GRM3: variants seen among roughly 807,000 people sequenced by gnomAD.
The protein encoded by GRM3 is metabotropic glutamate receptor 3.
A neutral mutation model predicts 70.5 loss-of-function variants in GRM3; 26 were observed. The observed-to-expected ratio is 0.37, with a 90% CI of 0.27 to 0.51. The LOEUF is 0.51. Among genes scored for constraint, GRM3 ranks in the 20% least tolerant of loss-of-function variants. The probability of loss-of-function intolerance (pLI) is 0.93; values close to 1 mark genes in which losing one functional copy is unlikely to be tolerated. For synonymous variants in GRM3, 443 were observed against 434.9 expected (o/e 1.02, Z -0.23); for missense variants, 859 against 1,123.8 (o/e 0.76, Z 3.37).
chr7:86,681,112 T>A (rs75006142), intron 1 of GRM3, among the ~76,000 whole-genome samples: 5,079 of 152,202 alleles, frequency 0.033, 278 homozygotes, highest in African/African-American at 0.12. Flanking sequence ...TTGCAAACAC[T>A]TGATGAGAAT....
At chr7:86,748,642 A>C (rs1796160175) in intron 1 of GRM3, among the ~76,000 whole-genome samples, 1 of 152,098 alleles carries the variant, frequency 6.6e-6, no homozygotes, top group Non-Finnish European at 1.5e-5. Flanking sequence ...TAATCTATAA[A>C]TACTCATATT....
chr7:86,731,605 T>C (rs916485345), intron 1 of GRM3, among the ~76,000 whole-genome samples: 2 of 152,208 alleles, frequency 1.3e-5, no homozygotes, highest in African/African-American at 4.8e-5. Flanking sequence ...CATTCTTAAT[T>C]TTCTTATTTA....
intron 1 of GRM3, among the ~76,000 whole-genome samples, chr7:86,709,626 G>A (rs548666607): frequency 6.6e-6 from 1 of 152,120 alleles, no homozygotes; most frequent in Non-Finnish European, 1.5e-5. Flanking sequence ...GGACACCTGA[G>A]ATTCTCTGCT....
At chr7:86,697,370 T>C (rs1584173670) in intron 1 of GRM3, among the ~76,000 whole-genome samples, 1 of 151,334 alleles carries the variant, frequency 6.6e-6, no homozygotes, top group East Asian at 1.9e-4. Context: ...AAGGCTCAAA[T>C]CTGAATTAGG....
chr7:86,797,812 G>A (rs1220790531), intron 3 of GRM3, among the ~76,000 whole-genome samples: 1 of 152,106 alleles, frequency 6.6e-6, no homozygotes, highest in Admixed American at 6.5e-5. Context: ...CAACTCAGAA[G>A]GCCTAGGAGA....
At chr7:86,771,900 C>A (rs1796751624) in intron 2 of GRM3, among the ~76,000 whole-genome samples, 1 of 152,094 alleles carries the variant, frequency 6.6e-6, no homozygotes, top group Admixed American at 6.6e-5. Flanking sequence ...TCTGCACAGT[C>A]TTTCATATAT....
chr7:86,645,109 A>AT (rs1017585554), intron 1 of GRM3: 34 of 346,060 alleles, frequency 9.8e-5, no homozygotes, highest in African/African-American at 7.1e-4. Context: ...TTCAGGGCAT[A>AT]GATCTGCGGC....
intron 2 of GRM3, among the ~76,000 whole-genome samples, chr7:86,779,446 A>T (rs967171378): frequency 4.0e-5 from 6 of 151,764 alleles, no homozygotes; most frequent in African/African-American, 1.2e-4. Flanking sequence ...ACACAAACCC[A>T]TCATTATAAT....
intron 3 of GRM3, among the ~76,000 whole-genome samples, chr7:86,794,999 TATG>T (rs1458082700): frequency 6.6e-6 from 1 of 152,020 alleles, no homozygotes; most frequent in African/African-American, 2.4e-5. Context: ...CTGGACCAAG[TATG>T]ATTAGATAGT....
intron 4 of GRM3, among the ~76,000 whole-genome samples, chr7:86,844,909 G>A (rs890129422): frequency 1.3e-5 from 2 of 151,104 alleles, no homozygotes; most frequent in African/African-American, 4.9e-5. Flanking sequence ...TTTTTTCTTA[G>A]ATGGAGTTTC....
chr7:86,728,115 C>CT (rs532299903), intron 1 of GRM3, among the ~76,000 whole-genome samples: 20 of 152,284 alleles, frequency 1.3e-4, no homozygotes, highest in African/African-American at 4.3e-4. Context: ...CATGTACTCT[C>CT]TACTTTTTAT....
chr7:86,741,954 C>T (rs888796138), intron 1 of GRM3, among the ~76,000 whole-genome samples: 7 of 151,942 alleles, frequency 4.6e-5, no homozygotes, highest in Non-Finnish European at 1.0e-4. Flanking sequence ...ACATACCACA[C>T]CAAAATTTAA....
intron 3 of GRM3, among the ~76,000 whole-genome samples, chr7:86,826,680 G>A (rs1168687264): frequency 6.6e-6 from 1 of 152,168 alleles, no homozygotes; most frequent in Non-Finnish European, 1.5e-5. Flanking sequence ...AAAGGGTTGA[G>A]CTTTTCAAAA....
intron 1 of GRM3, among the ~76,000 whole-genome samples, chr7:86,652,457 A>G (rs1329321658): frequency 6.6e-6 from 1 of 152,060 alleles, no homozygotes; most frequent in Non-Finnish European, 1.5e-5. Flanking sequence ...CAGCCTCCCA[A>G]GTAGCTGGGA....
At chr7:86,711,176 A>T (rs73705001) in intron 1 of GRM3, among the ~76,000 whole-genome samples, 14,902 of 151,104 alleles carry the variant, frequency 0.099, 1,685 homozygotes, top group African/African-American at 0.28. Context: ...AATTTAATTT[A>T]ATTTAATTTT....
intron 1 of GRM3, among the ~76,000 whole-genome samples, chr7:86,647,417 A>G (rs561342795): frequency 6.6e-6 from 1 of 152,288 alleles, no homozygotes; most frequent in East Asian, 1.9e-4. Context: ...TCATCCCAAT[A>G]TTCTACTAAA....
At chr7:86,753,288 T>TA (rs978864461) in intron 1 of GRM3, among the ~76,000 whole-genome samples, 21 of 152,108 alleles carry the variant, frequency 1.4e-4, no homozygotes, top group African/African-American at 4.8e-4. Context: ...CATTTAATCC[T>TA]AAAAAAACAT....
At chr7:86,668,275 T>G (rs966050006) in intron 1 of GRM3, among the ~76,000 whole-genome samples, 4 of 152,150 alleles carry the variant, frequency 2.6e-5, no homozygotes, top group Admixed American at 6.6e-5. Context: ...CAAAATTTTT[T>G]TTTTTTGTTA....
chr7:86,753,522 T>C (rs753059237), intron 1 of GRM3, among the ~76,000 whole-genome samples: 13 of 152,102 alleles, frequency 8.5e-5, no homozygotes, highest in Non-Finnish European at 1.6e-4. Context: ...CACCAAAATA[T>C]CTTAGAAAAT....
Sources: gnomAD v4.1 joint callset for allele counts (sites outside exome capture counted in the v4.1 genomes callset) on GRCh38, gnomAD v4.1.1 for gene constraint, MANE v1.5 for transcripts, NCBI Gene and HGNC (gene_info 2026-07-23, HGNC 2026-07-21) for gene names.